SMG7: variants seen among roughly 807,000 people sequenced by gnomAD.
The protein encoded by SMG7 is SMG7 nonsense mediated mRNA decay factor.
In SMG7, 34 loss-of-function variants were observed where a neutral mutation model predicts 148.2. That is an observed-to-expected ratio of 0.23 (90% CI 0.17 to 0.31). The LOEUF is 0.31. Ranked by LOEUF, SMG7 falls within the 10% of genes least tolerant of loss-of-function variation. The pLI, the probability that SMG7 is intolerant of heterozygous loss-of-function variation, is 1.00. For synonymous variants in SMG7, 492 were observed against 515.1 expected (o/e 0.96, Z 0.61); for missense variants, 1,114 against 1,408.4 (o/e 0.79, Z 3.35).
At chr1:183,518,050 T>C (rs948357433) in intron 4 of SMG7, among the ~76,000 whole-genome samples, 1 of 152,112 alleles carries the variant, frequency 6.6e-6, no homozygotes, top group Non-Finnish European at 1.5e-5. Context: ...CTGACTGAAG[T>C]GATCCTCTCA....
intron 1 of SMG7, among the ~76,000 whole-genome samples, chr1:183,506,512 C>T (rs1202157649): frequency 6.6e-6 from 1 of 151,894 alleles, no homozygotes; most frequent in African/African-American, 2.4e-5. Flanking sequence ...TTATGTCTGG[C>T]CAATTATTCA....
rs760886538 is a variant in SMG7 at position 183,552,932 on chromosome 1, T to G, written c.*1001T>G. 8.9e-5 allele frequency: 136 copies of G among 1,523,308 alleles called. No individual in the cohort carries two copies. Among genetic ancestry groups the G allele is most frequent in the Non-Finnish European group, 1.2e-4 (132 of 1,137,576 alleles). 94.4% of individuals were successfully genotyped at this position (1,523,308 alleles called of 1,614,324 possible). A position where few individuals can be genotyped will look rare whatever the true frequency, so the allele number is the denominator to read the frequency against. On this transcript the variant is annotated 3_prime_UTR_variant, in exon 23 of 23. Coordinates refer to ENST00000688051, the MANE Select transcript of SMG7 (RefSeq NM_001375584.1). Reference sequence around the variant, plus strand: ...TCTTTTACCCAATGCTGTATGCTAGTAATTGTTTTTATTCCTAATGTGTGC... The same window carrying G: ...TCTTTTACCCAATGCTGTATGCTAGGAATTGTTTTTATTCCTAATGTGTGC...
intron 1 of SMG7, chr1:183,502,510 A>G: frequency 1.2e-6 from 1 of 809,796 alleles, no homozygotes; most frequent in Non-Finnish European, 1.8e-6. Flanking sequence ...GATTTTGGCC[A>G]AGATCGGGAT....
At chr1:183,501,917 C>A (rs1659818832) in intron 1 of SMG7, among the ~76,000 whole-genome samples, 1 of 152,158 alleles carries the variant, frequency 6.6e-6, no homozygotes, top group South Asian at 2.1e-4. Context: ...AGGAGTCCAT[C>A]TGCTTCTGTG....
Position 183,503,538 on chromosome 1 carries a change from T to A in SMG7, c.30-9299T>A, listed in dbSNP as rs7538788. Among the ~76,000 whole-genome samples, 556 of 152,358 alleles carry A rather than the reference T, an allele frequency of 3.6e-3. 2 individuals are homozygous for A. Among genetic ancestry groups the A allele is most frequent in the African/African-American group, 0.012 (511 of 41,588 alleles). On this transcript the variant is annotated intron_variant, in intron 1 of 22. Coordinates refer to ENST00000688051, the MANE Select transcript of SMG7 (RefSeq NM_001375584.1). ...TGACATCTAAACTGTTTTTCTTTTG[T>A]CACTTGTGGTGGTAGAGGACATAGG...
rs751602902 is a variant in SMG7, at chr1:183,549,165, T to C, written c.2893-43T>C. On this transcript the variant is annotated intron_variant, in intron 18 of 22. Transcript: ENST00000688051. ...TATGGTAAGATTAATATTAAGAAAA[T>C]AGAAGGTATAACTTAATTACCTTTT... The C allele has an allele frequency of 2.1e-5, 29 of 1,395,584 alleles. No homozygotes were observed. In the South Asian group the frequency reaches 3.1e-4, roughly 15 times the overall value. 86.5% of individuals were successfully genotyped at this position (1,395,584 alleles called of 1,614,324 possible). A position where few individuals can be genotyped will look rare whatever the true frequency, so the allele number is the denominator to read the frequency against.
At chr1:183,543,538 G>A (rs527603537) in intron 14 of SMG7, among the ~76,000 whole-genome samples, 1 of 152,080 alleles carries the variant, frequency 6.6e-6, no homozygotes, top group South Asian at 2.1e-4. Flanking sequence ...TAGAGATAAT[G>A]AGTCCAGCAT....
intron 1 of SMG7, among the ~76,000 whole-genome samples, chr1:183,497,611 C>T (rs1365743034): frequency 2.6e-5 from 4 of 151,766 alleles, no homozygotes; most frequent in African/African-American, 7.3e-5. Context: ...GTTCTGTGGC[C>T]CAGGCTGGAG....
At chr1:183,539,293 T>A (rs1454746609) in intron 12 of SMG7, among the ~76,000 whole-genome samples, 1 of 152,240 alleles carries the variant, frequency 6.6e-6, no homozygotes, top group Non-Finnish European at 1.5e-5. Flanking sequence ...TGAATTTTCT[T>A]CAGCATTGAG....
intron 1 of SMG7, among the ~76,000 whole-genome samples, chr1:183,477,694 G>A (rs1321300699): frequency 7.0e-6 from 1 of 143,542 alleles, no homozygotes; most frequent in East Asian, 2.0e-4. Context: ...GTGCATATGT[G>A]TATATATGCA....
Position 183,529,307 on chromosome 1 carries a change from T to C in SMG7, c.708-91T>C, listed in dbSNP as rs137970168. ...AAATCAGTCAAATACAGCTCTTTTG[T>C]GTATCAAGTATTTAGCAAGCCAGTG... On this transcript the variant is annotated intron_variant, in intron 7 of 22. Transcript: ENST00000688051. The C allele has an allele frequency of 2.1e-6, 3 of 1,402,618 alleles. No homozygotes were observed. The African/African-American group carries it at 4.3e-5, about 20-fold the overall frequency. The allele number at this position is 1,402,618 out of a possible 1,614,324, so 86.9% of individuals were successfully genotyped here. A position where few individuals can be genotyped will look rare whatever the true frequency, so the allele number is the denominator to read the frequency against.
intron 1 of SMG7, chr1:183,508,103 C>T: frequency 1.1e-6 from 1 of 945,028 alleles, no homozygotes; most frequent in Non-Finnish European, 1.3e-6. Context: ...AAAGTTCTTG[C>T]CTCTCTGTAT....
chr1:183,518,050 T>G (rs948357433), intron 4 of SMG7, among the ~76,000 whole-genome samples: 1 of 152,112 alleles, frequency 6.6e-6, no homozygotes, highest in African/African-American at 2.4e-5. Context: ...CTGACTGAAG[T>G]GATCCTCTCA....
Position 183,540,965 on chromosome 1 carries a change from T to TTGCTTGTG in SMG7, c.1296-17_1296-10dup, listed in dbSNP as rs574445736. 539 of 1,610,404 alleles carry TTGCTTGTG rather than the reference T, an allele frequency of 3.3e-4. 2 individuals are homozygous for TTGCTTGTG. The African/African-American group carries it at 6.4e-3, about 19-fold the overall frequency. ...TTTAGCAATTTAATATTCTCATAAC[T>TTGCTTGTG]TGCTTGTGTCAATTTTAGGAACTTG... On this transcript the variant is annotated intron_variant, in intron 12 of 22. Transcript: ENST00000688051.
Position 183,552,300 on chromosome 1 carries a change from A to G in SMG7, c.*369A>G. The G allele has an allele frequency of 2.0e-6, 2 of 1,008,856 alleles. No individual in the cohort carries two copies. Among genetic ancestry groups the G allele is most frequent in the Non-Finnish European group, 2.4e-6 (2 of 845,506 alleles). The allele number at this position is 1,008,856 out of a possible 1,614,324, so 62.5% of individuals were successfully genotyped here. A position where few individuals can be genotyped will look rare whatever the true frequency, so the allele number is the denominator to read the frequency against. ...TGGGAGAAGCCAATGGGAACTTCTCAGTCCTTTTTTCCTCTTTGGGGAATA... is the reference window on the plus strand; with the variant it reads ...TGGGAGAAGCCAATGGGAACTTCTCGGTCCTTTTTTCCTCTTTGGGGAATA... On this transcript the variant is annotated 3_prime_UTR_variant, in exon 23 of 23. Transcript: ENST00000688051.
At position 183,533,820 on chromosome 1, in the gene SMG7, A is replaced by T. The variant is rs924675285; in HGVS notation, c.1151A>T (p.Asp384Val). The T allele has an allele frequency of 3.7e-6, 6 of 1,609,698 alleles. No individual in the cohort carries two copies. Among genetic ancestry groups the T allele is most frequent in the Non-Finnish European group, 5.1e-6 (6 of 1,177,466 alleles). ...RPRVFQEAVV[D>V]ERQYIWPWLI... ...AGGGTCTTTCAGGAGGCAGTGGTGGATGAAAGACAGTAGTAAGTATTTTTA... is the reference window on the plus strand; with the variant it reads ...AGGGTCTTTCAGGAGGCAGTGGTGGTTGAAAGACAGTAGTAAGTATTTTTA... The change falls in exon 10 of 23, where the codon GAT (aspartate) becomes GTT (valine). Residue 384 changes from aspartate to valine, a missense_variant. Coordinates refer to ENST00000688051, the MANE Select transcript of SMG7 (RefSeq NM_001375584.1).
At chr1:183,503,407 T>C (rs1210091630) in intron 1 of SMG7, among the ~76,000 whole-genome samples, 1 of 152,200 alleles carries the variant, frequency 6.6e-6, no homozygotes, top group African/African-American at 2.4e-5. Context: ...AGAACTAATG[T>C]TTGGAGAAAA....
intron 4 of SMG7, among the ~76,000 whole-genome samples, chr1:183,520,539 G>A (rs1366667418): frequency 1.3e-5 from 2 of 152,044 alleles, no homozygotes; most frequent in Admixed American, 6.6e-5. Flanking sequence ...CCCATGAATA[G>A]AAGCTAGAAC....
At chr1:183,477,776 G>GTGTGCATATATACATGTGTA (rs1557937333) in intron 1 of SMG7, among the ~76,000 whole-genome samples, 2 of 151,480 alleles carry the variant, frequency 1.3e-5, no homozygotes, top group African/African-American at 2.4e-5. Context: ...ATACATGTGT[G>GTGTGCATATATACATGTGTA]TATGTGTGTA....
Sources: allele counts gnomAD v4.1 joint callset (sites outside exome capture counted in the v4.1 genomes callset), GRCh38; gene constraint gnomAD v4.1.1; transcripts MANE v1.5; gene names NCBI Gene and HGNC (gene_info 2026-07-23, HGNC 2026-07-21).